Variants in WWOX observed in about 807,000 individuals in gnomAD.
WWOX encodes WW domain containing oxidoreductase.
Under a neutral mutation model 46.2 loss-of-function variants are expected in WWOX, and 69 were observed. The ratio of observed to expected loss-of-function variants is 1.49; its 90% CI spans 1.23 to 1.82. The LOEUF (loss-of-function observed/expected upper bound fraction) is 1.82. Among genes scored for constraint, WWOX ranks in the 40% most tolerant of loss-of-function variants. The probability of loss-of-function intolerance (pLI) is 0.00; values close to 1 mark genes in which losing one functional copy is unlikely to be tolerated. For synonymous variants in WWOX, 359 were observed against 202.6 expected (o/e 1.77, Z -6.56); for missense variants, 919 against 542.6 (o/e 1.69, Z -6.89).
intron 8 of WWOX, among the ~76,000 whole-genome samples, chr16:78,913,230 A>C (rs899784877): frequency 1.4e-4 from 21 of 151,934 alleles, no homozygotes; most frequent in Non-Finnish European, 2.5e-4. Context: ...AATTCTCGTT[A>C]CAAGTTTGCC....
chr16:78,637,275 C>G (rs565511070), intron 8 of WWOX, among the ~76,000 whole-genome samples: 1 of 152,130 alleles, frequency 6.6e-6, no homozygotes, highest in African/African-American at 2.4e-5. Flanking sequence ...CTTCCCATAT[C>G]TACTAAAAAT....
chr16:78,827,407 C>T (rs2051687525), intron 8 of WWOX, among the ~76,000 whole-genome samples: 1 of 152,078 alleles, frequency 6.6e-6, no homozygotes. Context: ...GCTGGAGTCT[C>T]TGTGGCTCCA....
chr16:78,578,126 A>T (rs1008366329), intron 8 of WWOX, among the ~76,000 whole-genome samples: 5 of 151,438 alleles, frequency 3.3e-5, no homozygotes, highest in Non-Finnish European at 5.9e-5. Context: ...ACAAGACACT[A>T]TGCACTAATT....
chr16:79,028,759 C>G lies in WWOX; in HGVS notation c.1057-182849C>G, dbSNP rs530875644. On this transcript the variant is annotated intron_variant, in intron 8 of 8. Coordinates refer to ENST00000566780, the MANE Select transcript of WWOX (RefSeq NM_016373.4). ...CAAGAGTAGGTTTATAATTTATTTT[C>G]TTTACATTATCTGGATAATTACATT... Among the ~76,000 whole-genome samples, 32 of 151,912 alleles carry G rather than the reference C, an allele frequency of 2.1e-4. 2 individuals carry two copies. The highest frequency in any genetic ancestry group is 6.6e-4 in the African/African-American group (27 of 41,218).
intron 8 of WWOX, among the ~76,000 whole-genome samples, chr16:78,823,386 C>T (rs866395468): frequency 2.0e-5 from 3 of 152,162 alleles, no homozygotes; most frequent in South Asian, 4.1e-4. Context: ...CCCATCATTC[C>T]AGGTTCAATA....
intron 8 of WWOX, among the ~76,000 whole-genome samples, chr16:78,972,730 C>T (rs1170445703): frequency 1.3e-5 from 2 of 152,322 alleles, no homozygotes; most frequent in East Asian, 3.9e-4. Flanking sequence ...CCCAAGACTC[C>T]CACTTTATTA....
At chr16:78,310,188 A>T (rs2080213136) in intron 5 of WWOX, among the ~76,000 whole-genome samples, 1 of 152,096 alleles carries the variant, frequency 6.6e-6, no homozygotes, top group African/African-American at 2.4e-5. Flanking sequence ...TTTCCGTAAG[A>T]ACATTTATTG....
In WWOX at chr16:79,208,726, C is replaced by G. The variant is rs138416642; in HGVS notation, c.1057-2882C>G. ...TTCACTAATGTGCCTCAGTCTTATT[C>G]TGATGATATGTAGGCCGAAAAGCTG... On this transcript the variant is annotated intron_variant, in intron 8 of 8. Transcript: ENST00000566780. Among the ~76,000 whole-genome samples the G allele has an allele frequency of 2.2e-4, 34 of 151,934 alleles. No individual in the cohort carries two copies. In the East Asian group the frequency reaches 2.9e-3, roughly 13 times the overall value.
At chr16:78,917,343 A>G (rs1166937216) in intron 8 of WWOX, among the ~76,000 whole-genome samples, 2 of 152,194 alleles carry the variant, frequency 1.3e-5, no homozygotes, top group African/African-American at 4.8e-5. Context: ...CCACACTCAA[A>G]TAAACATCCT....
chr16:78,418,025 T>A (rs1307653788), intron 6 of WWOX, among the ~76,000 whole-genome samples: 1 of 152,198 alleles, frequency 6.6e-6, no homozygotes, highest in Non-Finnish European at 1.5e-5. Context: ...AATACGTTTT[T>A]CTAGTTAAAA....
At chr16:78,773,124 G>A (rs1887134911) in intron 8 of WWOX, among the ~76,000 whole-genome samples, 1 of 152,206 alleles carries the variant, frequency 6.6e-6, no homozygotes, top group Admixed American at 6.5e-5. Context: ...TAGATTGTAA[G>A]CTTCATGAGG....
At chr16:78,485,589 G>A (rs1470687444) in intron 8 of WWOX, among the ~76,000 whole-genome samples, 1 of 152,122 alleles carries the variant, frequency 6.6e-6, no homozygotes, top group Admixed American at 6.5e-5. Context: ...AATGGGGAGG[G>A]GAGCCTGTCT....
chr16:79,084,070 G>C (rs2048811061), intron 8 of WWOX, among the ~76,000 whole-genome samples: 1 of 152,154 alleles, frequency 6.6e-6, no homozygotes, highest in South Asian at 2.1e-4. Flanking sequence ...TGAACTTCTT[G>C]ATTTACATGG....
At chr16:78,605,398 G>C (rs1435490371) in intron 8 of WWOX, among the ~76,000 whole-genome samples, 1 of 151,316 alleles carries the variant, frequency 6.6e-6, no homozygotes, top group African/African-American at 2.4e-5. Context: ...CACAAAGACA[G>C]GGCTCATGTC....
At chr16:78,436,871 C>G (rs1002229466) in intron 8 of WWOX, among the ~76,000 whole-genome samples, 1 of 152,196 alleles carries the variant, frequency 6.6e-6, no homozygotes, top group African/African-American at 2.4e-5. Context: ...GTTTCTTGGA[C>G]AAAGGGTGCA....
intron 8 of WWOX, among the ~76,000 whole-genome samples, chr16:79,035,992 C>T (rs890835998): frequency 2.6e-5 from 4 of 152,188 alleles, no homozygotes; most frequent in Admixed American, 2.0e-4. Context: ...TTTTGCTTGG[C>T]TTAAGAATCT....
chr16:78,186,035 C>G (rs1389158827), intron 5 of WWOX, among the ~76,000 whole-genome samples: 1 of 152,036 alleles, frequency 6.6e-6, no homozygotes, highest in East Asian at 1.9e-4. Flanking sequence ...TAGCCACTGG[C>G]CATGTGTGGC....
chr16:78,570,191 C>G (rs1479560669), intron 8 of WWOX, among the ~76,000 whole-genome samples: 2 of 152,158 alleles, frequency 1.3e-5, no homozygotes, highest in Non-Finnish European at 2.9e-5. Context: ...TCAGGGGAAA[C>G]TAGTGAGGTG....
intron 5 of WWOX, among the ~76,000 whole-genome samples, chr16:78,260,287 A>G (rs954636621): frequency 1.3e-5 from 2 of 151,592 alleles, no homozygotes; most frequent in African/African-American, 4.9e-5. Context: ...ACAGAAAACA[A>G]CAACATCACT....
Sources: allele counts gnomAD v4.1 joint callset (sites outside exome capture counted in the v4.1 genomes callset), GRCh38; gene constraint gnomAD v4.1.1; transcripts MANE v1.5; gene names NCBI Gene and HGNC (gene_info 2026-07-23, HGNC 2026-07-21).